ABLIM1: variants seen among roughly 807,000 people sequenced by gnomAD.
ABLIM1 encodes the protein actin-binding LIM protein 1.
A neutral mutation model predicts 107.0 loss-of-function variants in ABLIM1; 40 were observed. The observed-to-expected ratio is 0.37, with a 90% CI of 0.29 to 0.49. ABLIM1 has a LOEUF of 0.49. ABLIM1 is among the 20% of genes least tolerant of loss of function. The pLI is 0.97. For missense variants in ABLIM1, 857 were observed against 1,008.5 expected (o/e 0.85, Z 2.04); for synonymous variants, 357 against 357.3 (o/e 1.00, Z 0.01).
At chr10:114,591,816 C>A (rs1372033148) in intron 2 of ABLIM1, among the ~76,000 whole-genome samples, 2 of 152,000 alleles carry the variant, frequency 1.3e-5, no homozygotes, top group Admixed American at 1.3e-4. Flanking sequence ...GCATTATATA[C>A]TTCCTGGTTG....
At chr10:114,506,149 T>C (rs954456208) in intron 6 of ABLIM1, among the ~76,000 whole-genome samples, 6 of 152,358 alleles carry the variant, frequency 3.9e-5, no homozygotes, top group African/African-American at 1.2e-4. Flanking sequence ...TCACCTAGGA[T>C]AACAGCCTCC....
chr10:114,510,691 C>T (rs1432047955), intron 6 of ABLIM1, among the ~76,000 whole-genome samples: 1 of 151,466 alleles, frequency 6.6e-6, no homozygotes, highest in Non-Finnish European at 1.5e-5. Flanking sequence ...ACTCCCATTA[C>T]CCAGGGTGGA....
At chr10:114,509,395 T>C (rs2061553917) in intron 6 of ABLIM1, among the ~76,000 whole-genome samples, 3 of 152,116 alleles carry the variant, frequency 2.0e-5, no homozygotes, top group Admixed American at 2.0e-4. Flanking sequence ...TTTGCTCCCC[T>C]TGTCCCACCA....
intron 13 of ABLIM1, among the ~76,000 whole-genome samples, chr10:114,452,968 A>G (rs1410626646): frequency 6.6e-6 from 1 of 152,244 alleles, no homozygotes; most frequent in Admixed American, 6.5e-5. Flanking sequence ...CAGGAAATAT[A>G]AAAGTATTCT....
rs539638328 is a variant in ABLIM1, at chr10:114,619,173, C to CT, written c.245-17213dup. On this transcript the variant is annotated intron_variant, in intron 1 of 22. Coordinates refer to ENST00000533213, the MANE Select transcript of ABLIM1 (RefSeq NM_002313.7). This position sits in a 1 kb window ranked among gnomAD's most constrained non-coding sequence, Gnocchi z 4.1. The stretch of plus-strand genomic sequence containing the variant: ...CCAAAGCCCTTAAATTATATTTTTT[C>CT]TTTTTTTTTTCTTTCTCTTTCTTTC... 4.5e-3 allele frequency among the ~76,000 whole-genome samples: 663 copies of CT among 147,292 alleles called. 7 individuals carry two copies. The highest frequency in any genetic ancestry group is 0.015 in the African/African-American group (610 of 40,302).
In ABLIM1 at chr10:114,516,774, G is replaced by C. The variant is rs543704568; in HGVS notation, c.895-24896C>G. ...ATAATTAATGCCAGTTAATCACAGG[G>C]AAAGGCTGCCATTCAGCTAAAACTC... On this transcript the variant is annotated intron_variant, in intron 6 of 22. Coordinates refer to ENST00000533213, the MANE Select transcript of ABLIM1 (RefSeq NM_002313.7). Among the ~76,000 whole-genome samples, 6 of 152,296 alleles carry C rather than the reference G, an allele frequency of 3.9e-5. No homozygotes were observed. The East Asian group carries it at 1.2e-3, about 29-fold the overall frequency.
chr10:114,691,233 C>G (rs890163805), intron 1 of ABLIM1, among the ~76,000 whole-genome samples: 3 of 152,160 alleles, frequency 2.0e-5, no homozygotes, highest in Admixed American at 2.0e-4. Flanking sequence ...ATGGCTCCAC[C>G]TCAACATTCT....
chr10:114,470,163 C>CT (rs2066178657), intron 10 of ABLIM1, among the ~76,000 whole-genome samples: 1 of 152,166 alleles, frequency 6.6e-6, no homozygotes, highest in African/African-American at 2.4e-5. Flanking sequence ...TGGCTCACAC[C>CT]TGTAATCCCA....
At chr10:114,714,727 T>C (rs1360990776) in intron 1 of ABLIM1, among the ~76,000 whole-genome samples, 1 of 152,192 alleles carries the variant, frequency 6.6e-6, no homozygotes, top group East Asian at 1.9e-4. Context: ...CGGAAGTCAA[T>C]AGCAGATTAT....
intron 1 of ABLIM1, among the ~76,000 whole-genome samples, chr10:114,764,309 T>C (rs1283514677): frequency 6.6e-6 from 1 of 152,260 alleles, no homozygotes; most frequent in Non-Finnish European, 1.5e-5. Context: ...AACTGGATTT[T>C]AATACTTTTC....
intron 6 of ABLIM1, among the ~76,000 whole-genome samples, chr10:114,510,179 C>A (rs886654428): frequency 1.3e-5 from 2 of 152,152 alleles, no homozygotes; most frequent in Admixed American, 1.3e-4. Flanking sequence ...CTTAAATTTC[C>A]TGAGAGAAGC....
intron 7 of ABLIM1, among the ~76,000 whole-genome samples, chr10:114,490,723 T>C (rs928304655): frequency 6.6e-6 from 1 of 151,394 alleles, no homozygotes; most frequent in African/African-American, 2.4e-5. Flanking sequence ...TCAGAGAACA[T>C]AAAAACTGAT....
At chr10:114,526,294 A>C (rs2064731284) in intron 6 of ABLIM1, among the ~76,000 whole-genome samples, 1 of 152,134 alleles carries the variant, frequency 6.6e-6, no homozygotes, top group South Asian at 2.1e-4. Flanking sequence ...AAAACAAAAC[A>C]ACCCCAAAGT....
At chr10:114,648,359 C>T (rs1027582702) in intron 1 of ABLIM1, among the ~76,000 whole-genome samples, 1 of 152,100 alleles carries the variant, frequency 6.6e-6, no homozygotes, top group African/African-American at 2.4e-5. Flanking sequence ...AGAAGGAATA[C>T]GGTATTGATA....
intron 2 of ABLIM1, among the ~76,000 whole-genome samples, chr10:114,585,689 C>CA (rs2074107592): frequency 6.6e-6 from 1 of 152,174 alleles, no homozygotes; most frequent in Admixed American, 6.5e-5. Flanking sequence ...ATCTCCTCAG[C>CA]ACCCCACTGA....
intron 1 of ABLIM1, among the ~76,000 whole-genome samples, chr10:114,672,376 T>A (rs1043554929): frequency 1.8e-4 from 28 of 151,994 alleles, no homozygotes. Context: ...AATTTTTGTA[T>A]TTTTAGTAGA....
upstream of ABLIM1, among the ~76,000 whole-genome samples, chr10:114,661,032 C>T (rs1566196290): frequency 1.3e-5 from 2 of 151,308 alleles, no homozygotes; most frequent in Non-Finnish European, 2.9e-5. Context: ...ACAGAACACT[C>T]CTAAATTTTT....
chr10:114,442,972 G>A (rs984903463), intron 17 of ABLIM1, among the ~76,000 whole-genome samples: 4 of 152,028 alleles, frequency 2.6e-5, no homozygotes, highest in South Asian at 4.1e-4. Flanking sequence ...CCGAGTAGCC[G>A]GGACTGCAGG....
At chr10:114,664,577 G>C (rs1000614950) in intron 1 of ABLIM1, among the ~76,000 whole-genome samples, 1 of 150,778 alleles carries the variant, frequency 6.6e-6, no homozygotes, top group African/African-American at 2.4e-5. Flanking sequence ...AAGGAATCTC[G>C]CTGTCACCCA....
Sources: allele counts gnomAD v4.1 joint callset (sites outside exome capture counted in the v4.1 genomes callset), GRCh38; gene constraint gnomAD v4.1.1; non-coding constraint Gnocchi (gnomAD v3.1); transcripts MANE v1.5; gene names NCBI Gene and HGNC (gene_info 2026-07-23, HGNC 2026-07-21).